EHD3: variants seen among roughly 807,000 people sequenced by gnomAD.
The protein encoded by EHD3 is EH domain-containing protein 3.
Under a neutral mutation model 43.0 loss-of-function variants are expected in EHD3, and 17 were observed. The ratio of observed to expected loss-of-function variants is 0.40; its 90% CI spans 0.27 to 0.59. The LOEUF (loss-of-function observed/expected upper bound fraction) is 0.59. Among genes scored for constraint, EHD3 ranks in the 20% least tolerant of loss-of-function variants. EHD3 has a pLI of 0.49. For synonymous variants in EHD3, 313 were observed against 289.5 expected (o/e 1.08, Z -0.82); for missense variants, 594 against 705.6 (o/e 0.84, Z 1.79).
chr2:31,263,432 A>T (rs1256832980), intron 5 of EHD3, among the ~76,000 whole-genome samples: 1 of 152,238 alleles, frequency 6.6e-6, no homozygotes, highest in East Asian at 1.9e-4. Flanking sequence ...CAATGTAAAC[A>T]GCTGTCCTGT....
At chr2:31,253,011 T>C (rs1558649851) in intron 3 of EHD3, among the ~76,000 whole-genome samples, 1 of 152,136 alleles carries the variant, frequency 6.6e-6, no homozygotes, top group Non-Finnish European at 1.5e-5. Context: ...CCCTCAGTTA[T>C]CTGTGGTACC....
chr2:31,245,534 T>C (rs979300404), intron 2 of EHD3, among the ~76,000 whole-genome samples: 3 of 64,062 alleles, frequency 4.7e-5, no homozygotes, highest in Non-Finnish European at 8.3e-5. Context: ...CCCAAATATA[T>C]ATATATATAT....
chr2:31,235,538 T>G (rs531292200), intron 1 of EHD3, among the ~76,000 whole-genome samples: 4 of 152,288 alleles, frequency 2.6e-5, no homozygotes, highest in African/African-American at 9.6e-5. Context: ...TGGCATTGTC[T>G]CATCCAGTTG....
intron 3 of EHD3, among the ~76,000 whole-genome samples, chr2:31,250,232 G>C (rs989688170): frequency 2.0e-5 from 3 of 151,818 alleles, no homozygotes; most frequent in African/African-American, 7.3e-5. Context: ...GTAACCATGA[G>C]GGATTATAGA....
rs577627084 is a variant in EHD3, at chr2:31,267,368, T to A, written c.*664T>A. 1 of 152,342 alleles carries A rather than the reference T, an allele frequency of 6.6e-6. No homozygotes were observed. The highest frequency in any genetic ancestry group is 1.5e-5 in the Non-Finnish European group (1 of 68,034). The allele number at this position is 152,342 out of a possible 1,614,324, so 9.4% of individuals were successfully genotyped here. A position where few individuals can be genotyped will look rare whatever the true frequency, so the allele number is the denominator to read the frequency against. ...GGGAGAGAGAAGAGAAAAAAATTGATAAGAGTGAGGAAATTGTCCTGTAGT... is the reference window on the plus strand; with the variant it reads ...GGGAGAGAGAAGAGAAAAAAATTGAAAAGAGTGAGGAAATTGTCCTGTAGT... On this transcript the variant is annotated 3_prime_UTR_variant, in exon 6 of 6. Coordinates refer to ENST00000322054, the MANE Select transcript of EHD3 (RefSeq NM_014600.3).
At chr2:31,256,446 C>T (rs1340554094) in intron 3 of EHD3, among the ~76,000 whole-genome samples, 3 of 152,224 alleles carry the variant, frequency 2.0e-5, no homozygotes, top group African/African-American at 7.2e-5. Context: ...CGTTTCACTT[C>T]CGTTCAGCAA....
In EHD3 at chr2:31,268,920, T is replaced by G. The variant is rs1684004751; in HGVS notation, c.*2216T>G. The G allele has an allele frequency of 6.6e-6, 1 of 152,308 alleles. No homozygotes were observed. The highest frequency in any genetic ancestry group is 1.5e-5 in the Non-Finnish European group (1 of 68,090). 9.4% of individuals were successfully genotyped at this position (152,308 alleles called of 1,614,324 possible). ...TGCCACTTTCCTGCCCTTCTACATA[T>G]GCTGCCTCTCTTCCCTCTCTCCATC... On this transcript the variant is annotated 3_prime_UTR_variant, in exon 6 of 6. Transcript: ENST00000322054.
At chr2:31,255,704 G>A (rs1683738631) in intron 3 of EHD3, among the ~76,000 whole-genome samples, 1 of 152,160 alleles carries the variant, frequency 6.6e-6, no homozygotes, top group Non-Finnish European at 1.5e-5. Context: ...AACCCATGGA[G>A]TCATTGCTTG....
rs1044635378 is a variant in EHD3 at position 31,234,529 on chromosome 2, G to A, written c.-93G>A. The A allele has an allele frequency of 1.2e-5, 18 of 1,450,692 alleles. No individual in the cohort carries two copies. Among genetic ancestry groups the A allele is most frequent in the Non-Finnish European group, 1.7e-5 (18 of 1,066,560 alleles). The allele number at this position is 1,450,692 out of a possible 1,614,324, so 89.9% of individuals were successfully genotyped here. A position where few individuals can be genotyped will look rare whatever the true frequency, so the allele number is the denominator to read the frequency against. On this transcript the variant is annotated 5_prime_UTR_variant, in exon 1 of 6. Coordinates refer to ENST00000322054, the MANE Select transcript of EHD3 (RefSeq NM_014600.3). ...CGCGCTTGGGTGAGGCGGCGGCGCG[G>A]CTCGGAGCCCGGCGGACCGGTCCTA...
intron 3 of EHD3, among the ~76,000 whole-genome samples, chr2:31,256,371 G>T (rs1282702837): frequency 6.6e-6 from 1 of 152,236 alleles, no homozygotes; most frequent in East Asian, 1.9e-4. Flanking sequence ...TAAAACTGAG[G>T]CCCAGAGATT....
intron 5 of EHD3, among the ~76,000 whole-genome samples, chr2:31,262,467 C>T (rs1683873869): frequency 6.6e-6 from 1 of 152,184 alleles, no homozygotes; most frequent in Non-Finnish European, 1.5e-5. Flanking sequence ...TTGTGAGCAT[C>T]AGTGAGATAA....
intron 3 of EHD3, among the ~76,000 whole-genome samples, chr2:31,250,501 C>T (rs1202322510): frequency 2.6e-5 from 4 of 152,122 alleles, no homozygotes; most frequent in East Asian, 1.9e-4. Flanking sequence ...CTCCTGACCT[C>T]GTAATCCACC....
At chr2:31,243,662 G>A (rs562572461) in intron 1 of EHD3, among the ~76,000 whole-genome samples, 4 of 151,898 alleles carry the variant, frequency 2.6e-5, no homozygotes, top group Admixed American at 2.6e-4. Context: ...CACCATGTTG[G>A]CCAGGCTGGT....
At chr2:31,239,763 G>C (rs1173548400) in intron 1 of EHD3, among the ~76,000 whole-genome samples, 2 of 152,186 alleles carry the variant, frequency 1.3e-5, no homozygotes, top group Non-Finnish European at 2.9e-5. Flanking sequence ...GGGTGGGGAG[G>C]GGGAGGCAGA....
chr2:31,246,544 G>GTCAATACA (rs1683528183), intron 2 of EHD3, among the ~76,000 whole-genome samples: 1 of 152,124 alleles, frequency 6.6e-6, no homozygotes, highest in Non-Finnish European at 1.5e-5. Flanking sequence ...GGATAATTGT[G>GTCAATACA]CTTATAATGA....
intron 1 of EHD3, among the ~76,000 whole-genome samples, chr2:31,243,924 A>G (rs1683472175): frequency 6.6e-6 from 1 of 152,138 alleles, no homozygotes; most frequent in African/African-American, 2.4e-5. Flanking sequence ...TCAGCAGGTT[A>G]CCTTCAGTTA....
chr2:31,238,993 C>T (rs1683371742), intron 1 of EHD3, among the ~76,000 whole-genome samples: 1 of 152,142 alleles, frequency 6.6e-6, no homozygotes, highest in South Asian at 2.1e-4. Context: ...GGCATGAGCA[C>T]TTGGTAGGGC....
intron 1 of EHD3, among the ~76,000 whole-genome samples, chr2:31,238,000 G>GTTTGTT (rs945410807): frequency 6.7e-6 from 1 of 149,748 alleles, no homozygotes; most frequent in Non-Finnish European, 1.5e-5. Context: ...TGTTTTTTTT[G>GTTTGTT]TTTGTTTTTG....
In EHD3 at chr2:31,268,963, G is replaced by A. The variant is rs773724261; in HGVS notation, c.*2259G>A. ...TCTCCATCTTGAAGTCTCCACCCAG[G>A]AGAGACCTGTGAGGTGTGGGAATTC... On this transcript the variant is annotated 3_prime_UTR_variant, in exon 6 of 6. Coordinates refer to ENST00000322054, the MANE Select transcript of EHD3 (RefSeq NM_014600.3). 2.0e-5 allele frequency: 3 copies of A among 152,234 alleles called. No homozygotes were observed. The highest frequency in any genetic ancestry group is 4.4e-5 in the Non-Finnish European group (3 of 68,070). 9.4% of individuals were successfully genotyped at this position (152,234 alleles called of 1,614,324 possible).
Sources: allele counts gnomAD v4.1 joint callset (sites outside exome capture counted in the v4.1 genomes callset), GRCh38; gene constraint gnomAD v4.1.1; transcripts MANE v1.5; gene names NCBI Gene and HGNC (gene_info 2026-07-23, HGNC 2026-07-21).